NCAM2: variants seen among roughly 807,000 people sequenced by gnomAD.
NCAM2 encodes N-CAM-2.
Under a neutral mutation model 98.1 loss-of-function variants are expected in NCAM2, and 30 were observed. The ratio of observed to expected loss-of-function variants is 0.31; its 90% CI spans 0.23 to 0.41. The LOEUF (loss-of-function observed/expected upper bound fraction) is 0.41, where lower values mean the gene tolerates loss of function less well. Among genes scored for constraint, NCAM2 ranks in the 10% least tolerant of loss-of-function variants. The pLI is 1.00. For missense variants in NCAM2, 867 were observed against 1,005.8 expected (o/e 0.86, Z 1.87); for synonymous variants, 368 against 342.4 (o/e 1.07, Z -0.83).
chr21:21,160,367 C>T (rs1048188655), intron 1 of NCAM2, among the ~76,000 whole-genome samples: 2 of 151,860 alleles, frequency 1.3e-5, no homozygotes, highest in African/African-American at 4.8e-5. Flanking sequence ...GTTTTCAATA[C>T]ATTGCCATTG....
intron 14 of NCAM2, among the ~76,000 whole-genome samples, chr21:21,471,538 A>G (rs1386262178): frequency 1.3e-5 from 2 of 152,106 alleles, no homozygotes; most frequent in Non-Finnish European, 2.9e-5. Context: ...AAAAAAGTAC[A>G]TAGAGGAATC....
chr21:21,234,948 A>G (rs897924277), intron 1 of NCAM2, among the ~76,000 whole-genome samples: 2 of 152,086 alleles, frequency 1.3e-5, no homozygotes, highest in East Asian at 3.8e-4. Context: ...TTGTACATTT[A>G]TAGTGCCTAC....
At chr21:21,255,849 G>A (rs578029809) in intron 1 of NCAM2, among the ~76,000 whole-genome samples, 1 of 152,240 alleles carries the variant, frequency 6.6e-6, no homozygotes, top group South Asian at 2.1e-4. Flanking sequence ...TTGGAAATTG[G>A]CTCTTTCCTC....
chr21:21,454,819 C>A (rs568478077), intron 12 of NCAM2, among the ~76,000 whole-genome samples: 3 of 151,962 alleles, frequency 2.0e-5, no homozygotes, highest in Non-Finnish European at 4.4e-5. Context: ...AACACCTGCT[C>A]TGTGGTTTTG....
chr21:21,437,541 G>C (rs547203397), intron 12 of NCAM2, among the ~76,000 whole-genome samples: 2 of 144,238 alleles, frequency 1.4e-5, no homozygotes, highest in African/African-American at 5.3e-5. Context: ...GGATATTAAC[G>C]GTCCCGGTTT....
intron 1 of NCAM2, among the ~76,000 whole-genome samples, chr21:21,246,466 C>G (rs979313064): frequency 6.6e-6 from 1 of 151,900 alleles, no homozygotes; most frequent in African/African-American, 2.4e-5. Context: ...TTAAAATATA[C>G]CAATATATTT....
At chr21:21,403,200 G>C (rs570548013) in intron 9 of NCAM2, among the ~76,000 whole-genome samples, 3 of 152,108 alleles carry the variant, frequency 2.0e-5, no homozygotes, top group Non-Finnish European at 4.4e-5. Flanking sequence ...CTTGTGACAA[G>C]TTGTGAGAAG....
At chr21:21,407,660 T>C (rs2076769087) in intron 9 of NCAM2, among the ~76,000 whole-genome samples, 1 of 152,196 alleles carries the variant, frequency 6.6e-6, no homozygotes, top group African/African-American at 2.4e-5. Context: ...TGAAATAGTA[T>C]AATGTTAAAT....
chr21:21,181,043 C>A (rs774358908), intron 1 of NCAM2, among the ~76,000 whole-genome samples: 1 of 152,062 alleles, frequency 6.6e-6, no homozygotes, highest in Non-Finnish European at 1.5e-5. Context: ...TTGCTGAAAA[C>A]AAGCTATATT....
At chr21:21,090,654 C>T (rs1473426854) in intron 1 of NCAM2, among the ~76,000 whole-genome samples, 2 of 152,104 alleles carry the variant, frequency 1.3e-5, no homozygotes, top group African/African-American at 4.8e-5. Context: ...TTCGTTTCTC[C>T]AGTGGCTTCT....
chr21:21,392,963 G>A (rs904478423), intron 9 of NCAM2, among the ~76,000 whole-genome samples: 7 of 151,596 alleles, frequency 4.6e-5, no homozygotes, highest in Non-Finnish European at 7.4e-5. Context: ...ATTATACCCC[G>A]TCAATTTTTC....
At chr21:21,045,446 C>T (rs558962089) in intron 1 of NCAM2, among the ~76,000 whole-genome samples, 38 of 152,166 alleles carry the variant, frequency 2.5e-4, no homozygotes, top group African/African-American at 8.7e-4. Flanking sequence ...GAATTAGAGA[C>T]CAATCTGGGC....
chr21:21,463,049 G>A (rs1983198063), intron 12 of NCAM2, among the ~76,000 whole-genome samples: 1 of 152,014 alleles, frequency 6.6e-6, no homozygotes. Flanking sequence ...TGCAGATTTA[G>A]GGAAAGAAAG....
intron 1 of NCAM2, among the ~76,000 whole-genome samples, chr21:21,210,998 ACACACACACACACAC>A (rs2069639749): frequency 6.6e-6 from 1 of 150,926 alleles, no homozygotes; most frequent in Non-Finnish European, 1.5e-5. Flanking sequence ...ACACACACAC[ACACACACACACACAC>A]ACACACACAC....
intron 1 of NCAM2, among the ~76,000 whole-genome samples, chr21:21,050,163 G>C (rs1338055374): frequency 6.6e-6 from 1 of 151,152 alleles, no homozygotes; most frequent in Non-Finnish European, 1.5e-5. Flanking sequence ...TTTCTCTTTA[G>C]ACTCTGTTTT....
chr21:21,209,906 T>C (rs917676589), intron 1 of NCAM2, among the ~76,000 whole-genome samples: 1 of 152,118 alleles, frequency 6.6e-6, no homozygotes, highest in Non-Finnish European at 1.5e-5. Context: ...TATGGTAAGA[T>C]ATTGCGACTA....
chr21:21,050,975 A>G (rs1238588837), intron 1 of NCAM2, among the ~76,000 whole-genome samples: 2 of 152,194 alleles, frequency 1.3e-5, no homozygotes, highest in Non-Finnish European at 2.9e-5. Context: ...GATACTTTAA[A>G]GTTGTTATTT....
intron 12 of NCAM2, among the ~76,000 whole-genome samples, chr21:21,465,051 G>A (rs987585438): frequency 6.6e-6 from 1 of 152,064 alleles, no homozygotes; most frequent in Non-Finnish European, 1.5e-5. Flanking sequence ...ATAAGGTTGA[G>A]AAATTGAGAA....
chr21:21,371,762 A>G (rs1264832439), intron 8 of NCAM2, among the ~76,000 whole-genome samples: 1 of 151,782 alleles, frequency 6.6e-6, no homozygotes, highest in South Asian at 2.1e-4. Flanking sequence ...ATTAGTATCT[A>G]TCTTGTTTGT....
Sources: gnomAD v4.1 joint callset for allele counts (sites outside exome capture counted in the v4.1 genomes callset) on GRCh38, gnomAD v4.1.1 for gene constraint, MANE v1.5 for transcripts, NCBI Gene and HGNC (gene_info 2026-07-23, HGNC 2026-07-21) for gene names.